AKAP12: variants seen among roughly 807,000 people sequenced by gnomAD.
AKAP12 encodes A-kinase anchoring protein 12.
Under a neutral mutation model 79.9 loss-of-function variants are expected in AKAP12, and 32 were observed. The ratio of observed to expected loss-of-function variants is 0.40; its 90% CI spans 0.30 to 0.54. The LOEUF (loss-of-function observed/expected upper bound fraction) is 0.54. AKAP12 is among the 20% of genes least tolerant of loss of function. AKAP12 has a pLI of 0.48. For missense variants in AKAP12, 2,074 were observed against 2,177.0 expected (o/e 0.95, Z 0.94); for synonymous variants, 808 against 857.0 (o/e 0.94, Z 1.00).
intron 3 of AKAP12, among the ~76,000 whole-genome samples, chr6:151,314,392 A>AG (rs1202838759): frequency 6.6e-6 from 1 of 152,208 alleles, no homozygotes; most frequent in African/African-American, 2.4e-5. Context: ...AAAAAGTTCA[A>AG]GGGGGGAATT....
intron 3 of AKAP12, among the ~76,000 whole-genome samples, chr6:151,310,301 G>T (rs1777064818): frequency 6.6e-6 from 1 of 152,070 alleles, no homozygotes; most frequent in South Asian, 2.1e-4. Flanking sequence ...GAGGCGGAGG[G>T]TGCAGTGAGC....
chr6:151,281,447 C>A (rs1220551534), intron 2 of AKAP12, among the ~76,000 whole-genome samples: 5 of 152,262 alleles, frequency 3.3e-5, no homozygotes, highest in Admixed American at 3.3e-4. Flanking sequence ...ATTTTAATTT[C>A]AGGTTATGAG....
chr6:151,352,784 G>C lies in AKAP12; in HGVS notation c.4393G>C (p.Ala1465Pro). The C allele has an allele frequency of 2.5e-6, 4 of 1,614,190 alleles. No individual in the cohort carries two copies. The highest frequency in any genetic ancestry group is 3.4e-6 in the Non-Finnish European group (4 of 1,180,036). ...ATCCTCTGAAAAAAATGAAGACTTT[G>C]CCGCTCATCCAGGGGAAGATGCTGT... ...EKSSEKNEDF[A>P]AHPGEDAVPT... Residue 1465 changes from alanine to proline, a missense_variant, in exon 4 of 5, where the codon GCC becomes CCC. By Grantham distance (27) the Ala-to-Pro change is conservative. Around this residue, in one of 3 missense-constraint regions of AKAP12, gnomAD observed 614 missense variants for 665.6 expected, o/e 0.92. Coordinates refer to ENST00000402676, the MANE Select transcript of AKAP12 (RefSeq NM_005100.4).
intron 2 of AKAP12, among the ~76,000 whole-genome samples, chr6:151,290,294 G>T (rs981647279): frequency 1.3e-5 from 2 of 152,118 alleles, no homozygotes; most frequent in Non-Finnish European, 2.9e-5. Flanking sequence ...CTACAGGGAG[G>T]GTGGGTGGAA....
chr6:151,265,482 C>T (rs1797533536), intron 2 of AKAP12, among the ~76,000 whole-genome samples: 1 of 152,160 alleles, frequency 6.6e-6, no homozygotes, highest in African/African-American at 2.4e-5. Context: ...TGCTATTGCT[C>T]TTTGAACTTT....
chr6:151,279,493 T>C (rs1776354217), intron 2 of AKAP12, among the ~76,000 whole-genome samples: 1 of 151,886 alleles, frequency 6.6e-6, no homozygotes, highest in Admixed American at 6.6e-5. Flanking sequence ...TAGGAAAAAA[T>C]GTACAGCAGT....
chr6:151,350,550 A>C lies in AKAP12; in HGVS notation c.2159A>C (p.Asp720Ala), dbSNP rs762354593. Residue 720 changes from aspartate (D) to alanine (A), a missense_variant, in exon 4 of 5, where the codon GAC (aspartate) becomes GCC (alanine). Asp to Ala is a moderately radical substitution (Grantham distance 126). This residue lies in a region of AKAP12 where 1,428 missense variants were observed against 1,451.0 expected (regional missense o/e 0.98). Coordinates refer to ENST00000402676, the MANE Select transcript of AKAP12 (RefSeq NM_005100.4). This position sits in a 1 kb window ranked among gnomAD's most constrained non-coding sequence, Gnocchi z 4.8. ...DHQKADEAGK[D>A]KETGTDGILA... ...CAGAAAGCTGATGAGGCCGGAAAAG[A>C]CAAAGAGACGGGGACAGACGGGATC... 12 of 1,614,052 alleles carry C rather than the reference A, an allele frequency of 7.4e-6. No individual in the cohort carries two copies. In the East Asian group the frequency reaches 2.7e-4, roughly 36 times the overall value.
chr6:151,304,509 A>AAAAAAAAAAAAAC, intron 2 of AKAP12, among the ~76,000 whole-genome samples: 1 of 132,634 alleles, frequency 7.5e-6, no homozygotes, highest in Non-Finnish European at 1.5e-5. Flanking sequence ...AAAAAAAAAA[A>AAAAAAAAAAAAAC]AAAAAAAAAA....
chr6:151,301,899 T>G (rs1047025112), intron 2 of AKAP12, among the ~76,000 whole-genome samples: 4 of 152,242 alleles, frequency 2.6e-5, no homozygotes, highest in Non-Finnish European at 4.4e-5. Context: ...TATCTCATAA[T>G]GTATTCATTA....
rs762123639 is a variant in AKAP12, at chr6:151,350,638, C to G, written c.2247C>G (p.Ser749Arg). The G allele has an allele frequency of 1.9e-6, 3 of 1,613,886 alleles. No homozygotes were observed. Among genetic ancestry groups the G allele is most frequent in the Non-Finnish European group, 2.5e-6 (3 of 1,180,024 alleles). The change falls in exon 4 of 5, where the codon AGC (serine) becomes AGG (arginine). Residue 749 changes from serine (S) to arginine (R), a missense_variant. Physicochemically the swap from Ser to Arg is moderately radical, Grantham distance 110. Transcript: ENST00000402676. This position sits in a 1 kb window ranked among gnomAD's most constrained non-coding sequence, Gnocchi z 4.8. ...GTTCCTCCCCGGAGCAAGCTGGAAG[C>G]CCTACCGAAGGGGAGGGCGTTTCCA... ...QGSSSPEQAG[S>R]PTEGEGVSTW...
rs773441771 is a variant in AKAP12, at chr6:151,348,688, C to T, written c.320-23C>T. 9.9e-6 allele frequency: 3 copies of T among 302,280 alleles called. 1 individual carries two copies. The highest frequency in any genetic ancestry group is 6.7e-5 in the South Asian group (2 of 29,976). 18.7% of individuals were successfully genotyped at this position (302,280 alleles called of 1,614,324 possible). On this transcript the variant is annotated intron_variant, in intron 3 of 4. Transcript: ENST00000402676. ...AATCACCTTTTCTCTTCTCCCCACC[C>T]CCCCGCCCCTTTTTGTTAATAGTTG...
Position 151,358,370 on chromosome 6 carries a change from A to G in AKAP12, c.*2656A>G, listed in dbSNP as rs1052481829. The G allele has an allele frequency of 2.0e-5, 3 of 152,210 alleles. No homozygotes were observed. Among genetic ancestry groups the G allele is most frequent in the South Asian group, 4.1e-4 (2 of 4,836 alleles). 9.4% of individuals were successfully genotyped at this position (152,210 alleles called of 1,614,324 possible). ...CTCTGTACATAGATAAATTGTTCCA[A>G]TATTTTCCTTTGATGTTTGGAACTA... On this transcript the variant is annotated 3_prime_UTR_variant, in exon 5 of 5. Coordinates refer to ENST00000402676, the MANE Select transcript of AKAP12 (RefSeq NM_005100.4).
intron 3 of AKAP12, among the ~76,000 whole-genome samples, chr6:151,314,519 T>G (rs570714907): frequency 6.6e-6 from 1 of 152,210 alleles, no homozygotes; most frequent in Non-Finnish European, 1.5e-5. Context: ...TTCTGCTGAA[T>G]GACTGGCGGT....
chr6:151,348,559 A>G (rs1305849274), intron 3 of AKAP12, 152 bp from the exon 4 acceptor site: 2 of 627,430 alleles, frequency 3.2e-6, no homozygotes, highest in Non-Finnish European at 5.6e-6. Flanking sequence ...GGATTCCTTG[A>G]GCCTGGGAGG....
At chr6:151,319,527 G>GATATATATATATATAGATAT (rs146314242) in intron 3 of AKAP12, 5 of 101,274 alleles carry the variant, frequency 4.9e-5, no homozygotes, top group Admixed American at 8.6e-5. Context: ...TCTCTATATA[G>GATATATATATATATAGATAT]ATATATATAT....
intron 2 of AKAP12, among the ~76,000 whole-genome samples, chr6:151,251,978 C>T (rs1436646270): frequency 2.0e-5 from 3 of 152,052 alleles, no homozygotes; most frequent in Admixed American, 2.0e-4. Flanking sequence ...GCCCGGGCAA[C>T]AGCGTGAGTG....
At chr6:151,259,976 C>T (rs1204328603) in intron 2 of AKAP12, among the ~76,000 whole-genome samples, 1 of 151,806 alleles carries the variant, frequency 6.6e-6, no homozygotes, top group Admixed American at 6.6e-5. Flanking sequence ...CAATTTGGGG[C>T]ATTCCACCTG....
intron 3 of AKAP12, among the ~76,000 whole-genome samples, chr6:151,339,599 A>C (rs1006592066): frequency 6.6e-6 from 1 of 151,920 alleles, no homozygotes; most frequent in Non-Finnish European, 1.5e-5. Flanking sequence ...TTATCACCCA[A>C]AGTCCATAGT....
At chr6:151,313,133 G>T (rs1777155277) in intron 3 of AKAP12, among the ~76,000 whole-genome samples, 1 of 152,122 alleles carries the variant, frequency 6.6e-6, no homozygotes, top group South Asian at 2.1e-4. Flanking sequence ...CACTGACAAA[G>T]CCAGACCCTT....
Sources: gnomAD v4.1 joint callset for allele counts (sites outside exome capture counted in the v4.1 genomes callset) on GRCh38, gnomAD v4.1.1 for gene constraint, gnomAD v4.1.1 regional missense constraint, Gnocchi (gnomAD v3.1) non-coding constraint, MANE v1.5 for transcripts, NCBI Gene and HGNC (gene_info 2026-07-23, HGNC 2026-07-21) for gene names.